KIF1A: variants seen among roughly 807,000 people sequenced by gnomAD.
KIF1A encodes the protein kinesin family member 1A.
In KIF1A, 46 loss-of-function variants were observed where a neutral mutation model predicts 227.3. The observed-to-expected ratio is 0.20, with a 90% confidence interval of 0.16 to 0.26. The LOEUF is 0.26. Ranked by LOEUF, KIF1A falls within the 10% of genes least tolerant of loss-of-function variation. The pLI is 1.00. For synonymous variants in KIF1A, 1,022 were observed against 1,012.8 expected, an observed-to-expected ratio of 1.01 and a Z score of -0.17; for missense variants, 1,683 against 2,485.9, an observed-to-expected ratio of 0.68 and a Z score of 6.87.
In KIF1A at chr2:240,798,516, G is replaced by A. The variant is rs1050619421; in HGVS notation, c.-60-704C>T. On this transcript the variant is annotated intron_variant, in intron 1 of 48. Coordinates refer to ENST00000498729, the MANE Select transcript of KIF1A (RefSeq NM_001244008.2). ...AAGCCAGGGCTGGGGGACCAGCTTC[G>A]GCCTGGCCTTTACCCCAGCTGTGTG... Among the ~76,000 whole-genome samples, 9 of 152,328 alleles carry A rather than the reference G, an allele frequency of 5.9e-5. No homozygotes were observed. The South Asian group carries it at 6.2e-4, about 11-fold the overall frequency.
chr2:240,790,217 T>C lies in KIF1A; in HGVS notation c.107-905A>G, dbSNP rs1386642254. Among the ~76,000 whole-genome samples, 3 of 152,020 alleles carry C rather than the reference T, an allele frequency of 2.0e-5. No individual in the cohort carries two copies. The highest frequency in any genetic ancestry group is 4.8e-5 in the African/African-American group (2 of 41,398). ...GAACACTGTCTGAACCCAGAATTGG[T>C]GTTGACAGAGGCCTGGAGGCCTGAG... On this transcript the variant is annotated intron_variant, in intron 2 of 48. Transcript: ENST00000498729. This position sits in a 1 kb window ranked among gnomAD's most constrained non-coding sequence, Gnocchi z 5.0.
intron 1 of KIF1A, among the ~76,000 whole-genome samples, chr2:240,815,676 C>T (rs1448427789): frequency 1.3e-5 from 2 of 152,010 alleles, no homozygotes; most frequent in African/African-American, 2.4e-5. Context: ...ACCGTGCTGG[C>T]CCCCGTGGGG....
At chr2:240,772,675 G>C in intron 13 of KIF1A, 79 bp from the exon 14 acceptor site, 7 of 1,190,026 alleles carry the variant, frequency 5.9e-6, no homozygotes, top group Non-Finnish European at 1.2e-6. Context: ...GGTCAGGCAC[G>C]CCTTTCACAG....
chr2:240,734,844 C>T (rs2047142155), intron 38 of KIF1A: 1 of 854,756 alleles, frequency 1.2e-6, no homozygotes, highest in Non-Finnish European at 1.7e-6. Flanking sequence ...GGCCACAGGC[C>T]CACTCTGAGC....
At position 240,793,747 on chromosome 2, in the gene KIF1A, T is replaced by G. The variant is rs2126126535; in HGVS notation, c.106+3900A>C. Among the ~76,000 whole-genome samples the G allele has an allele frequency of 6.6e-6, 1 of 152,332 alleles. No homozygotes were observed. Among genetic ancestry groups the G allele is most frequent in the East Asian group, 1.9e-4 (1 of 5,184 alleles). Reference sequence around the variant, plus strand: ...TACGGGATAACAGTTAAATTTACTTTCAAATGCTTCCAATTTCTGCGTCAC... The same window carrying G: ...TACGGGATAACAGTTAAATTTACTTGCAAATGCTTCCAATTTCTGCGTCAC... On this transcript the variant is annotated intron_variant, in intron 2 of 48. Coordinates refer to ENST00000498729, the MANE Select transcript of KIF1A (RefSeq NM_001244008.2). The surrounding 1 kb of genome is among the most constrained non-coding windows in gnomAD (Gnocchi z 4.8).
chr2:240,781,934 T>A (rs1459159028), intron 10 of KIF1A: 1 of 985,252 alleles, frequency 1.0e-6, no homozygotes, highest in Non-Finnish European at 1.2e-6. Flanking sequence ...ATTCACACAG[T>A]TCTCTGTCCC....
chr2:240,729,574 C>G (rs1038088645), intron 38 of KIF1A, among the ~76,000 whole-genome samples: 1 of 152,214 alleles, frequency 6.6e-6, no homozygotes, highest in Non-Finnish European at 1.5e-5. Context: ...AGGGGCTGCT[C>G]CTTAGGAGCA....
At chr2:240,751,670 G>C (rs2049223785) in intron 27 of KIF1A, among the ~76,000 whole-genome samples, 1 of 152,144 alleles carries the variant, frequency 6.6e-6, no homozygotes, top group South Asian at 2.1e-4. Context: ...AAGGTCTTAA[G>C]GCACCAGTCA....
chr2:240,732,139 ATGAG>A (rs2125679553), intron 38 of KIF1A, among the ~76,000 whole-genome samples: 1 of 32,684 alleles, frequency 3.1e-5, no homozygotes, highest in East Asian at 1.2e-3. Flanking sequence ...GGAGGAGGGG[ATGAG>A]GGATTGGGGA....
intron 31 of KIF1A, 100 bp from the exon 32 acceptor site, chr2:240,745,617 G>A: frequency 3.4e-6 from 5 of 1,477,942 alleles, no homozygotes; most frequent in African/African-American, 1.4e-5. Context: ...GGCGTTCAGG[G>A]CCTGCGGGCT....
At position 240,723,533 on chromosome 2, in the gene KIF1A, G is replaced by C. The variant is rs1183703735; in HGVS notation, c.4344C>G (p.Val1448=). The C allele has an allele frequency of 6.5e-7, 1 of 1,544,128 alleles. No individual in the cohort carries two copies. Among genetic ancestry groups the C allele is most frequent in the Admixed American group, 1.9e-5 (1 of 51,632 alleles). The change falls in exon 42 of 49, where the codon GTC becomes GTG. Residue 1448 remains valine (V), a synonymous_variant. Coordinates refer to ENST00000498729, the MANE Select transcript of KIF1A (RefSeq NM_001244008.2). ...GGACATAGGCCACAGATGTGTCCAG[G>C]ACTCGTCGGCGCCGGCGCTGCATCC... The part of the protein sequence containing the change: ...SPGMQRRRRR[V]LDTSVAYVRG...
intron 6 of KIF1A, among the ~76,000 whole-genome samples, chr2:240,785,835 C>A (rs2054668741): frequency 6.6e-6 from 1 of 152,216 alleles, no homozygotes; most frequent in Non-Finnish European, 1.5e-5. Context: ...ATCACCTCAC[C>A]CTCAGGAAGT....
rs137958501 is a variant in KIF1A at position 240,813,404 on chromosome 2, A to G, written c.-61+6718T>C. Reference sequence around the variant, plus strand: ...GCAGGGAAGGGGCAGGGGCTCAGGCATGGGAACTCAGGCACCTGGTGGAAG... The same window carrying G: ...GCAGGGAAGGGGCAGGGGCTCAGGCGTGGGAACTCAGGCACCTGGTGGAAG... On this transcript the variant is annotated intron_variant, in intron 1 of 48. Transcript: ENST00000498729. Among the ~76,000 whole-genome samples the G allele has an allele frequency of 4.9e-3, 749 of 152,286 alleles. 3 individuals carry two copies. Among genetic ancestry groups the G allele is most frequent in the African/African-American group, 0.017 (720 of 41,572 alleles).
At chr2:240,782,021 C>G (rs2054096912) in intron 10 of KIF1A, 3 of 985,326 alleles carry the variant, frequency 3.0e-6, no homozygotes, top group South Asian at 9.4e-5. Flanking sequence ...CCCGCCCTGT[C>G]TCACGCATTC....
intron 28 of KIF1A, chr2:240,748,681 T>C: frequency 3.0e-6 from 1 of 332,322 alleles, no homozygotes; most frequent in Non-Finnish European, 6.4e-6. Flanking sequence ...GCAGCAGGGC[T>C]GGGGCCCTTC....
rs1575542548 is a variant in KIF1A, at chr2:240,734,637, T to C, written c.4007+2426A>G. On this transcript the variant is annotated intron_variant, in intron 38 of 48. Transcript: ENST00000498729. ...GCTGGAAGTTAACTTCTCAGGGGCA[T>C]GGGGGGCGGTCAGGGGAGGAGCAGG... 3.8e-6 allele frequency: 4 copies of C among 1,042,934 alleles called. No individual in the cohort carries two copies. The Middle Eastern group carries it at 7.1e-4, about 185-fold the overall frequency. 64.6% of individuals were successfully genotyped at this position (1,042,934 alleles called of 1,614,324 possible). A position where few individuals can be genotyped will look rare whatever the true frequency, so the allele number is the denominator to read the frequency against.
At position 240,787,417 on chromosome 2, in the gene KIF1A, C is replaced by G. The variant is rs1372731139; in HGVS notation, c.364-101G>C. ...GGCAGCCTGTGCCAGGCGGGATCCA[C>G]CCTCTCAGGCCCCTCTTGCACCCTC... On this transcript the variant is annotated intron_variant, in intron 4 of 48. Transcript: ENST00000498729. 6.3e-6 allele frequency: 6 copies of G among 951,182 alleles called. No individual in the cohort carries two copies. In the East Asian group the frequency reaches 1.4e-4, roughly 23 times the overall value. The allele number at this position is 951,182 out of a possible 1,614,324, so 58.9% of individuals were successfully genotyped here.
chr2:240,773,135 C>T lies in KIF1A; in HGVS notation c.1159G>A (p.Gly387Ser). ...TCACTGTCAGTGATGTCGCCAAGAC[C>T]CTGGGCGTACAGAAGGTCCCGCAGC... ...TRLRDLLYAQGLGDITDTNTV... is the reference protein window; with the variant it reads ...TRLRDLLYAQSLGDITDTNTV... Residue 387 changes from glycine (G) to serine (S), a missense_variant, in exon 13 of 49, where the codon GGT becomes AGT. Gly to Ser is a moderately conservative substitution (Grantham distance 56). Coordinates refer to ENST00000498729, the MANE Select transcript of KIF1A (RefSeq NM_001244008.2). 16 of 1,613,570 alleles carry T rather than the reference C, an allele frequency of 9.9e-6. No homozygotes were observed. The highest frequency in any genetic ancestry group is 1.4e-5 in the Non-Finnish European group (16 of 1,179,692).
intron 38 of KIF1A, among the ~76,000 whole-genome samples, chr2:240,731,047 G>A (rs995311161): frequency 6.6e-6 from 1 of 152,258 alleles, no homozygotes; most frequent in Non-Finnish European, 1.5e-5. Flanking sequence ...GAAATGTACA[G>A]CTGGGAAGGC....
Sources: gnomAD v4.1 joint callset for allele counts (sites outside exome capture counted in the v4.1 genomes callset) on GRCh38, gnomAD v4.1.1 for gene constraint, Gnocchi (gnomAD v3.1) non-coding constraint, MANE v1.5 for transcripts, NCBI Gene and HGNC (gene_info 2026-07-23, HGNC 2026-07-21) for gene names.